The following ATP11B variants were observed in gnomAD, a reference collection of about 807,000 sequenced individuals.
ATP11B encodes phospholipid-transporting ATPase IF.
Under a neutral mutation model 157.8 loss-of-function variants are expected in ATP11B, and 81 were observed. The ratio of observed to expected loss-of-function variants is 0.51; its 90% CI spans 0.43 to 0.62. ATP11B has a LOEUF of 0.62. Ranked by LOEUF, ATP11B falls within the 20% of genes least tolerant of loss-of-function variation. The probability of loss-of-function intolerance (pLI) is 0.00; values close to 1 mark genes in which losing one functional copy is unlikely to be tolerated. For synonymous variants in ATP11B, 451 were observed against 469.4 expected, an observed-to-expected ratio of 0.96 and a Z score of 0.51; for missense variants, 1,165 against 1,402.2, an observed-to-expected ratio of 0.83 and a Z score of 2.70.
At chr3:182,799,706 T>C (rs1020932635) in intron 1 of ATP11B, among the ~76,000 whole-genome samples, 5 of 152,202 alleles carry the variant, frequency 3.3e-5, no homozygotes, top group African/African-American at 7.2e-5. Context: ...TTAAAAAATA[T>C]CAAAATGAAA....
intron 25 of ATP11B, among the ~76,000 whole-genome samples, chr3:182,890,414 A>C (rs567241765): frequency 1.3e-3 from 200 of 152,332 alleles, no homozygotes; most frequent in African/African-American, 4.5e-3. Flanking sequence ...ATTGAAGGCC[A>C]GCTATTCCCA....
intron 16 of ATP11B, 21 bp from the exon 17 acceptor site, chr3:182,869,207 A>C (rs200727154): frequency 6.3e-7 from 1 of 1,597,980 alleles, no homozygotes; most frequent in Non-Finnish European, 8.5e-7. Flanking sequence ...GAGTCTGATA[A>C]CTCATTTTTT....
At chr3:182,909,832 G>A (rs1161414961) in intron 28 of ATP11B, among the ~76,000 whole-genome samples, 1 of 152,086 alleles carries the variant, frequency 6.6e-6, no homozygotes, top group African/African-American at 2.4e-5. Flanking sequence ...GGGAGGCTGA[G>A]GTGGGCGGAT....
At chr3:182,795,260 A>C (rs1576935014) in intron 1 of ATP11B, among the ~76,000 whole-genome samples, 1 of 152,180 alleles carries the variant, frequency 6.6e-6, no homozygotes, top group African/African-American at 2.4e-5. Context: ...ATTTGATCTT[A>C]TGCTTTTGAT....
chr3:182,805,926 G>A (rs1716301052), intron 1 of ATP11B, among the ~76,000 whole-genome samples: 1 of 152,052 alleles, frequency 6.6e-6, no homozygotes, highest in South Asian at 2.1e-4. Context: ...ATGTTTTTTA[G>A]CATTAGTTTT....
chr3:182,872,281 T>C (rs1721720615), intron 17 of ATP11B, 75 bp from the exon 18 acceptor site: 1 of 1,101,958 alleles, frequency 9.1e-7, no homozygotes, highest in African/African-American at 1.6e-5. Flanking sequence ...CAGTGTATTT[T>C]GATAGTGACT....
chr3:182,845,606 T>TA, intron 9 of ATP11B, 84 bp downstream of exon 9: 1 of 824,408 alleles, frequency 1.2e-6, no homozygotes, highest in South Asian at 2.3e-5. Context: ...ATGTGGTCTT[T>TA]TGGTTAGATA....
intron 27 of ATP11B, among the ~76,000 whole-genome samples, chr3:182,898,179 T>C (rs900439993): frequency 6.6e-6 from 1 of 152,160 alleles, no homozygotes; most frequent in African/African-American, 2.4e-5. Context: ...TAACACTTAC[T>C]ACTATGTAAA....
chr3:182,865,771 G>GA, intron 13 of ATP11B, 73 bp downstream of exon 13: 1 of 1,288,330 alleles, frequency 7.8e-7, no homozygotes, highest in Non-Finnish European at 1.1e-6. Context: ...TGAGTTGCAG[G>GA]AAAAAAAGTT....
Position 182,805,200 on chromosome 3 carries a change from A to G in ATP11B, c.27+11414A>G, listed in dbSNP as rs117767258. Among the ~76,000 whole-genome samples the G allele has an allele frequency of 6.2e-4, 94 of 152,338 alleles. 1 individual carries two copies. The East Asian group carries it at 0.016, about 26-fold the overall frequency. ...GTTTTTAACTTTGTGAGGAATTGCC[A>G]AAGTGTTTTCCAAACTATCTGGACC... On this transcript the variant is annotated intron_variant, in intron 1 of 29. Coordinates refer to ENST00000323116, the MANE Select transcript of ATP11B (RefSeq NM_014616.3).
chr3:182,915,142 T>C lies in ATP11B; in HGVS notation c.3452+1148T>C, dbSNP rs556864692. The C allele has an allele frequency of 7.0e-5, 69 of 985,428 alleles. No individual in the cohort carries two copies. The South Asian group carries it at 9.9e-4, about 14-fold the overall frequency. 61.0% of individuals were successfully genotyped at this position (985,428 alleles called of 1,614,324 possible). ...TGAGTATGATATCATTCATCTGTTA[T>C]AAAATTCAGGTAACTTTTACTGGTG... On this transcript the variant is annotated intron_variant, in intron 29 of 29. Coordinates refer to ENST00000323116, the MANE Select transcript of ATP11B (RefSeq NM_014616.3).
At chr3:182,817,685 G>T (rs1717052354) in intron 1 of ATP11B, among the ~76,000 whole-genome samples, 1 of 152,112 alleles carries the variant, frequency 6.6e-6, no homozygotes, top group Non-Finnish European at 1.5e-5. Context: ...GAGATAAATG[G>T]GAAATGATGA....
chr3:182,861,673 G>A (rs1474390145), intron 12 of ATP11B, among the ~76,000 whole-genome samples: 2 of 152,264 alleles, frequency 1.3e-5, no homozygotes, highest in East Asian at 1.9e-4. Context: ...TGCTCAAATT[G>A]TCTCTTATTG....
chr3:182,817,397 C>T (rs1717032014), intron 1 of ATP11B, among the ~76,000 whole-genome samples: 3 of 152,114 alleles, frequency 2.0e-5, no homozygotes, highest in African/African-American at 7.2e-5. Flanking sequence ...TCCCCTGCCA[C>T]AGCCTCCCAA....
intron 1 of ATP11B, among the ~76,000 whole-genome samples, chr3:182,794,526 C>T (rs966845923): frequency 2.6e-5 from 4 of 152,186 alleles, no homozygotes; most frequent in African/African-American, 9.7e-5. Flanking sequence ...CCGTTCTCCT[C>T]AAGGCAGTTT....
intron 21 of ATP11B, among the ~76,000 whole-genome samples, chr3:182,882,114 A>G (rs905289675): frequency 6.6e-5 from 10 of 152,190 alleles, no homozygotes; most frequent in African/African-American, 2.4e-4. Flanking sequence ...TTGAGAGTTA[A>G]GCTAATTCCT....
At position 182,918,068 on chromosome 3, in the gene ATP11B, C is replaced by G; in HGVS notation, c.3498C>G (p.Ile1166Met). Residue 1166 changes from isoleucine (I) to methionine (M), a missense_variant, in exon 30 of 30, where the codon ATC becomes ATG. Ile to Met is a conservative substitution (Grantham distance 10). Around this residue, in one of 4 missense-constraint regions of ATP11B, gnomAD observed 303 missense variants for 296.3 expected, o/e 1.02. Transcript: ENST00000323116. Reference protein sequence around the residue: ...SDPFYTNDRSILTLSTMDSST... With the variant: ...SDPFYTNDRSMLTLSTMDSST... ...CTTTCTATACCAACGACAGGAGCAT[C>G]TTGACTCTCTCCACAATGGACTCAT... 6.2e-7 allele frequency: 1 copy of G among 1,613,412 alleles called. No individual in the cohort carries two copies. Among genetic ancestry groups the G allele is most frequent in the Non-Finnish European group, 8.5e-7 (1 of 1,179,554 alleles).
chr3:182,868,565 C>T (rs530427983), intron 15 of ATP11B, among the ~76,000 whole-genome samples: 1 of 152,040 alleles, frequency 6.6e-6, no homozygotes, highest in East Asian at 1.9e-4. Context: ...GGAATGGACC[C>T]CCGCACACAC....
chr3:182,881,609 T>G (rs1220351213), intron 21 of ATP11B, among the ~76,000 whole-genome samples: 1 of 152,206 alleles, frequency 6.6e-6, no homozygotes, highest in Non-Finnish European at 1.5e-5. Context: ...AATTTTAGTT[T>G]CAGATTTTAA....
Sources: allele counts gnomAD v4.1 joint callset (sites outside exome capture counted in the v4.1 genomes callset), GRCh38; gene constraint gnomAD v4.1.1; regional missense constraint gnomAD v4.1.1; transcripts MANE v1.5; gene names NCBI Gene and HGNC (gene_info 2026-07-23, HGNC 2026-07-21).